Variants in ADAMTS19 observed in about 807,000 individuals in gnomAD.
ADAMTS19 encodes ADAM metallopeptidase with thrombospondin type 1 motif 19.
ADAMTS19 carries 93 observed loss-of-function variants against 153.3 expected under a neutral mutation model. The ratio of observed to expected loss-of-function variants is 0.61; its 90% CI spans 0.51 to 0.72. The LOEUF is 0.72. Among genes scored for constraint, ADAMTS19 ranks in the 30% least tolerant of loss-of-function variants. The pLI is 0.00. For synonymous variants in ADAMTS19, 600 were observed against 556.6 expected (o/e 1.08, Z -1.10); for missense variants, 1,482 against 1,552.1 (o/e 0.95, Z 0.76).
chr5:129,465,509 T>G (rs1048262375), intron 2 of ADAMTS19, among the ~76,000 whole-genome samples: 1 of 152,190 alleles, frequency 6.6e-6, no homozygotes, highest in Non-Finnish European at 1.5e-5. Context: ...ACAGTAGTCT[T>G]TTTGATTAGC....
intron 2 of ADAMTS19, among the ~76,000 whole-genome samples, chr5:129,468,458 A>G (rs1421458087): frequency 9.2e-5 from 14 of 152,052 alleles, no homozygotes; most frequent in Admixed American, 9.2e-4. Flanking sequence ...GGTTCAAGCA[A>G]TTCTCCTGCC....
intron 18 of ADAMTS19, among the ~76,000 whole-genome samples, chr5:129,693,493 G>A (rs1363504557): frequency 6.6e-6 from 1 of 152,096 alleles, no homozygotes; most frequent in East Asian, 1.9e-4. Context: ...ACTTCTTCAT[G>A]ATCAATCTGG....
intron 3 of ADAMTS19, among the ~76,000 whole-genome samples, chr5:129,522,074 A>T (rs1331434875): frequency 6.6e-6 from 1 of 151,728 alleles, no homozygotes; most frequent in Non-Finnish European, 1.5e-5. Flanking sequence ...GCAGAAGTTG[A>T]CACTGGTGAG....
At chr5:129,637,211 T>C (rs1387794834) in intron 10 of ADAMTS19, among the ~76,000 whole-genome samples, 1 of 152,238 alleles carries the variant, frequency 6.6e-6, no homozygotes, top group East Asian at 1.9e-4. Flanking sequence ...ACTAGTTTGC[T>C]AAGATTTTTA....
At chr5:129,545,925 A>G (rs1752838019) in intron 6 of ADAMTS19, among the ~76,000 whole-genome samples, 1 of 149,136 alleles carries the variant, frequency 6.7e-6, no homozygotes, top group African/African-American at 2.5e-5. Flanking sequence ...TGCTATAAAG[A>G]CACATGCACA....
rs143222677 is a variant in ADAMTS19, at chr5:129,620,753, T to C, written c.1614T>C (p.Phe538=). 419 of 1,612,350 alleles carry C rather than the reference T, an allele frequency of 2.6e-4. No individual in the cohort carries two copies. The highest frequency in any genetic ancestry group is 3.4e-4 in the Non-Finnish European group (403 of 1,178,962). The stretch of plus-strand genomic sequence containing the variant: ...GTAGCAAGGAAGATTTGGAAAGATT[T>C]CTCAGGTATGGAGGTCACTTATTGT... ...SRCSKEDLER[F]LRSKASNCLL... The change falls in exon 9 of 23, where the codon TTT becomes TTC. Residue 538 remains phenylalanine, a synonymous_variant. Coordinates refer to ENST00000274487, the MANE Select transcript of ADAMTS19 (RefSeq NM_133638.6).
chr5:129,511,841 T>A (rs2126729642), intron 3 of ADAMTS19, among the ~76,000 whole-genome samples: 1 of 152,104 alleles, frequency 6.6e-6, no homozygotes, highest in African/African-American at 2.4e-5. Flanking sequence ...ATAGTGATAC[T>A]TCAACCTCAA....
chr5:129,608,497 TTCCAAGAAGAG>T (rs1192482383), intron 8 of ADAMTS19, among the ~76,000 whole-genome samples: 1 of 152,080 alleles, frequency 6.6e-6, no homozygotes, highest in Non-Finnish European at 1.5e-5. Flanking sequence ...CTCTCTCAGC[TTCCAAGAAGAG>T]TCCTTTTCAG....
chr5:129,585,792 A>C (rs2126895848), intron 7 of ADAMTS19, among the ~76,000 whole-genome samples: 1 of 152,290 alleles, frequency 6.6e-6, no homozygotes, highest in South Asian at 2.1e-4. Flanking sequence ...TTGTTATAAA[A>C]CTTTAAACAT....
chr5:129,570,040 G>T lies in ADAMTS19; in HGVS notation c.1372+18133G>T, dbSNP rs964314546. Among the ~76,000 whole-genome samples, 44 of 152,030 alleles carry T rather than the reference G, an allele frequency of 2.9e-4. 1 individual carries two copies. The highest frequency in any genetic ancestry group is 1.0e-3 in the African/African-American group (43 of 41,532). On this transcript the variant is annotated intron_variant, in intron 7 of 22. Coordinates refer to ENST00000274487, the MANE Select transcript of ADAMTS19 (RefSeq NM_133638.6). Reference sequence around the variant, plus strand: ...TAATTCTCCTATTGACTCTCCAAAAGAATTCTCCTAAATCAGTTCTCCTGT... The same window carrying T: ...TAATTCTCCTATTGACTCTCCAAAATAATTCTCCTAAATCAGTTCTCCTGT...
chr5:129,677,359 C>T (rs530026291), intron 16 of ADAMTS19, among the ~76,000 whole-genome samples: 2 of 151,966 alleles, frequency 1.3e-5, no homozygotes, highest in African/African-American at 4.8e-5. Flanking sequence ...GCCTGTAATC[C>T]CAGCTACTCG....
At chr5:129,492,987 T>G (rs1750816743) in intron 2 of ADAMTS19, among the ~76,000 whole-genome samples, 1 of 152,210 alleles carries the variant, frequency 6.6e-6, no homozygotes, top group Admixed American at 6.5e-5. Flanking sequence ...TCCAAACTCA[T>G]AATCAGATCT....
In ADAMTS19 at chr5:129,461,610, A is replaced by G; in HGVS notation, c.600A>G (p.Glu200=). 1 of 1,588,862 alleles carries G rather than the reference A, an allele frequency of 6.3e-7. No homozygotes were observed. The highest frequency in any genetic ancestry group is 8.5e-7 in the Non-Finnish European group (1 of 1,174,962). ...GRFLAPRFAV[E]QRPNPGPGPT... ...TCCTGGCGCCGCGCTTCGCAGTGGA[A>G]CAGCGGCCAAATCCCGGCCCCGGCC... Residue 200 remains glutamate (E), a synonymous_variant, in exon 2 of 23, where the codon GAA becomes GAG. Transcript: ENST00000274487. This position sits in a 1 kb window ranked among gnomAD's most constrained non-coding sequence, Gnocchi z 4.6.
intron 8 of ADAMTS19, among the ~76,000 whole-genome samples, chr5:129,618,657 A>G (rs1751639492): frequency 6.6e-6 from 1 of 151,994 alleles, no homozygotes; most frequent in Non-Finnish European, 1.5e-5. Context: ...AATTTCTATA[A>G]CAGTTCTTTT....
intron 8 of ADAMTS19, among the ~76,000 whole-genome samples, chr5:129,602,216 C>T (rs1351601488): frequency 6.6e-6 from 1 of 152,184 alleles, no homozygotes; most frequent in Non-Finnish European, 1.5e-5. Flanking sequence ...CCTCAGCCTC[C>T]CAAGTAGCTG....
chr5:129,649,669 T>C (rs1316571116), intron 13 of ADAMTS19, among the ~76,000 whole-genome samples: 1 of 152,096 alleles, frequency 6.6e-6, no homozygotes, highest in Non-Finnish European at 1.5e-5. Context: ...TGCACAAATC[T>C]ACAAATGTGA....
chr5:129,517,202 C>A (rs1751644422), intron 3 of ADAMTS19, among the ~76,000 whole-genome samples: 1 of 151,866 alleles, frequency 6.6e-6, no homozygotes, highest in Non-Finnish European at 1.5e-5. Context: ...TATGATGTAG[C>A]ATATGGTCTT....
chr5:129,462,835 T>A (rs1749729024), intron 2 of ADAMTS19, among the ~76,000 whole-genome samples: 1 of 152,162 alleles, frequency 6.6e-6, no homozygotes, highest in Non-Finnish European at 1.5e-5. Flanking sequence ...CTGTTCATAG[T>A]GAGCCACTGA....
intron 2 of ADAMTS19, among the ~76,000 whole-genome samples, chr5:129,473,411 T>C (rs1046082701): frequency 1.3e-5 from 2 of 152,254 alleles, no homozygotes; most frequent in Non-Finnish European, 1.5e-5. Flanking sequence ...ACAGAGGAAA[T>C]TGTGTATACT....
Sources: allele counts gnomAD v4.1 joint callset (sites outside exome capture counted in the v4.1 genomes callset), GRCh38; gene constraint gnomAD v4.1.1; non-coding constraint Gnocchi (gnomAD v3.1); transcripts MANE v1.5; gene names NCBI Gene and HGNC (gene_info 2026-07-23, HGNC 2026-07-21).